ECPAS: variants seen among roughly 807,000 people sequenced by gnomAD.
The protein encoded by ECPAS is proteasome adapter and scaffold protein ECM29.
In ECPAS, 70 loss-of-function variants were observed where a neutral mutation model predicts 255.1. The observed-to-expected ratio is 0.27, with a 90% CI of 0.23 to 0.33. The LOEUF is 0.33. Ranked by LOEUF, ECPAS falls within the 10% of genes least tolerant of loss-of-function variation. The pLI, the probability that ECPAS is intolerant of heterozygous loss-of-function variation, is 1.00. For synonymous variants in ECPAS, 784 were observed against 775.0 expected, an observed-to-expected ratio of 1.01 and a Z score of -0.19; for missense variants, 1,817 against 2,206.4, an observed-to-expected ratio of 0.82 and a Z score of 3.54.
At chr9:111,470,909 C>T (rs1014790179) in intron 2 of ECPAS, among the ~76,000 whole-genome samples, 1 of 152,072 alleles carries the variant, frequency 6.6e-6, no homozygotes, top group Non-Finnish European at 1.5e-5. Context: ...AGGCCCTTTC[C>T]CCCAGAGACA....
At chr9:111,392,148 G>A (rs2098161149) in intron 28 of ECPAS, among the ~76,000 whole-genome samples, 1 of 152,104 alleles carries the variant, frequency 6.6e-6, no homozygotes, top group African/African-American at 2.4e-5. Flanking sequence ...GCTGAGGCGG[G>A]AGAGTCACCT....
intron 2 of ECPAS, among the ~76,000 whole-genome samples, chr9:111,469,459 G>C (rs569983747): frequency 7.2e-5 from 11 of 152,038 alleles, no homozygotes; most frequent in African/African-American, 2.4e-4. Context: ...ATTTGAACCC[G>C]GGAGGTGGAG....
At chr9:111,380,990 T>C (rs1203669546) in intron 35 of ECPAS, among the ~76,000 whole-genome samples, 1 of 152,264 alleles carries the variant, frequency 6.6e-6, no homozygotes, top group Non-Finnish European at 1.5e-5. Context: ...TTCTCCCTGT[T>C]AGCAAAAGGC....
At chr9:111,482,029 T>C (rs192909029) in intron 1 of ECPAS, among the ~76,000 whole-genome samples, 2 of 152,320 alleles carry the variant, frequency 1.3e-5, no homozygotes, top group African/African-American at 4.8e-5. Context: ...GTGGTGATGA[T>C]TACACAACAG....
intron 15 of ECPAS, among the ~76,000 whole-genome samples, chr9:111,421,407 A>G (rs1440985617): frequency 7.9e-6 from 1 of 127,354 alleles, no homozygotes; most frequent in African/African-American, 3.5e-5. Flanking sequence ...CATATTACAT[A>G]TATGTGTGTG....
intron 31 of ECPAS, among the ~76,000 whole-genome samples, chr9:111,388,438 T>C (rs1321680189): frequency 1.3e-5 from 2 of 149,622 alleles, no homozygotes; most frequent in East Asian, 2.0e-4. Context: ...AACCCTCAAG[T>C]ACCTACCACC....
Position 111,378,622 on chromosome 9 carries a change from T to G in ECPAS, c.3912A>C (p.Gln1304His), listed in dbSNP as rs751711973. 1.2e-6 allele frequency: 2 copies of G among 1,613,770 alleles called. No homozygotes were observed. The highest frequency in any genetic ancestry group is 1.7e-6 in the Non-Finnish European group (2 of 1,179,704). The stretch of plus-strand genomic sequence containing the variant: ...CCCGGAGGCTCAAATAATTGAGAAC[T>G]TGGGGCTCCAATACACTTAAGGACT... ...LLESLSVLEPQVLNYLSLRAT... is the reference protein window; with the variant it reads ...LLESLSVLEPHVLNYLSLRAT... The change falls in exon 36 of 50, where the codon CAA becomes CAC. Residue 1304 changes from glutamine (Q) to histidine (H), a missense_variant. By Grantham distance (24) the Gln-to-His change is conservative. This residue lies in a region of ECPAS where 960 missense variants were observed against 1,179.0 expected (regional missense o/e 0.81). Transcript: ENST00000684092.
chr9:111,477,524 C>G (rs1036280820), intron 1 of ECPAS, among the ~76,000 whole-genome samples: 1 of 152,162 alleles, frequency 6.6e-6, no homozygotes. Flanking sequence ...GTTAGACACA[C>G]ACACACACAC....
At chr9:111,464,472 G>T (rs1016080760) in intron 2 of ECPAS, among the ~76,000 whole-genome samples, 34 of 149,432 alleles carry the variant, frequency 2.3e-4, no homozygotes, top group African/African-American at 7.8e-4. Flanking sequence ...GAAGAGACAA[G>T]CACAAGGACA....
intron 2 of ECPAS, among the ~76,000 whole-genome samples, chr9:111,470,922 A>G (rs1031143896): frequency 6.6e-6 from 1 of 152,150 alleles, no homozygotes; most frequent in Non-Finnish European, 1.5e-5. Context: ...CAGAGACAGC[A>G]GCTGGCAGAG....
chr9:111,411,191 G>T, intron 21 of ECPAS, 49 bp from the exon 22 acceptor site: 1 of 1,570,122 alleles, frequency 6.4e-7, no homozygotes, highest in Non-Finnish European at 8.7e-7. Context: ...TCTCATATAC[G>T]CAAGAATACA....
At chr9:111,424,379 A>C (rs1201845830) in intron 12 of ECPAS, among the ~76,000 whole-genome samples, 1 of 152,232 alleles carries the variant, frequency 6.6e-6, no homozygotes, top group Non-Finnish European at 1.5e-5. Context: ...GTAACTCACC[A>C]AAGAACAAAA....
At position 111,484,362 on chromosome 9, in the gene ECPAS, C is replaced by G. The variant is rs2098312095; in HGVS notation, c.-329G>C. The G allele has an allele frequency of 4.3e-6, 7 of 1,611,288 alleles. No homozygotes were observed. In the East Asian group the frequency reaches 1.6e-4, roughly 36 times the overall value. ...GCCCGACCTGGGGAAACACGCCTGT[C>G]CAAAGGAAGAGACGTGGACTCAGAA... On this transcript the variant is annotated 5_prime_UTR_variant, in exon 1 of 50. Transcript: ENST00000684092.
At chr9:111,414,346 T>C in intron 19 of ECPAS, 83 bp downstream of exon 19, 1 of 1,171,362 alleles carries the variant, frequency 8.5e-7, no homozygotes, top group Non-Finnish European at 1.2e-6. Flanking sequence ...AAGAATAATT[T>C]TGCTATAAAT....
intron 10 of ECPAS, 42 bp from the exon 11 acceptor site, chr9:111,425,870 AAGAAT>A: frequency 1.0e-6 from 1 of 984,970 alleles, no homozygotes; most frequent in Non-Finnish European, 1.5e-6. Flanking sequence ...TAATAAAAAT[AAGAAT>A]TTAATATTTT....
At chr9:111,437,279 T>C (rs1359604768) in intron 6 of ECPAS, among the ~76,000 whole-genome samples, 171 bp from the exon 7 acceptor site, 1 of 152,174 alleles carries the variant, frequency 6.6e-6, no homozygotes, top group Non-Finnish European at 1.5e-5. Context: ...CTAAAAAAGA[T>C]GTATCTTCAG....
At chr9:111,398,592 G>T (rs2098170939) in intron 24 of ECPAS, among the ~76,000 whole-genome samples, 1 of 152,172 alleles carries the variant, frequency 6.6e-6, no homozygotes, top group South Asian at 2.1e-4. Flanking sequence ...AGGGCAAAGT[G>T]GCTGAACGGG....
chr9:111,362,279 A>G (rs973637908), intron 49 of ECPAS, 110 bp from the exon 50 acceptor site: 2 of 849,462 alleles, frequency 2.4e-6, no homozygotes, highest in African/African-American at 3.4e-5. Context: ...AAAATATCCT[A>G]TCCCCCAAAT....
intron 31 of ECPAS, among the ~76,000 whole-genome samples, chr9:111,388,470 C>A (rs549939559): frequency 1.2e-3 from 183 of 150,802 alleles, no homozygotes; most frequent in African/African-American, 4.2e-3. Flanking sequence ...CATATTCAGC[C>A]TAGTACCAGA....
Sources: allele counts gnomAD v4.1 joint callset (sites outside exome capture counted in the v4.1 genomes callset), GRCh38; gene constraint gnomAD v4.1.1; regional missense constraint gnomAD v4.1.1; transcripts MANE v1.5; gene names NCBI Gene and HGNC (gene_info 2026-07-23, HGNC 2026-07-21).